ZNF592: variants seen among roughly 807,000 people sequenced by gnomAD.
ZNF592 encodes the protein spinocerebellar ataxia, autosomal recessive 5.
ZNF592 carries 11 observed loss-of-function variants against 80.3 expected under a neutral mutation model. The ratio of observed to expected loss-of-function variants is 0.14; its 90% CI spans 0.09 to 0.23. The LOEUF is 0.23. Among genes scored for constraint, ZNF592 ranks in the 10% least tolerant of loss-of-function variants. The pLI, the probability that ZNF592 is intolerant of heterozygous loss-of-function variation, is 1.00. For synonymous variants in ZNF592, 646 were observed against 640.3 expected (o/e 1.01, Z -0.13); for missense variants, 1,420 against 1,633.9 (o/e 0.87, Z 2.26).
Position 84,802,143 on chromosome 15 carries a change from A to G in ZNF592, c.3554A>G (p.Glu1185Gly). ...VHKVRDQEEE[E>G]EEEAAAAEMA... ...AAGGTGAGAGACCAGGAGGAGGAGG[A>G]GGAAGAGGAGGCGGCGGCAGCGGAG... The change falls in exon 11 of 11, where the codon GAG (glutamate) becomes GGG (glycine). Residue 1185 changes from glutamate to glycine, a missense_variant. Coordinates refer to ENST00000560079, the MANE Select transcript of ZNF592 (RefSeq NM_014630.3). The G allele has an allele frequency of 6.2e-7, 1 of 1,605,142 alleles. No homozygotes were observed. Among genetic ancestry groups the G allele is most frequent in the South Asian group, 1.1e-5 (1 of 90,828 alleles).
intron 4 of ZNF592, among the ~76,000 whole-genome samples, chr15:84,789,505 A>G (rs1376558625): frequency 6.6e-6 from 1 of 152,086 alleles, no homozygotes; most frequent in African/African-American, 2.4e-5. Flanking sequence ...CTGAGATACC[A>G]CTGTACTATT....
At chr15:84,767,759 A>C (rs1216358717) in intron 2 of ZNF592, among the ~76,000 whole-genome samples, 1 of 152,078 alleles carries the variant, frequency 6.6e-6, no homozygotes, top group Non-Finnish European at 1.5e-5. Context: ...AAAATATAGC[A>C]GCTTTATTGA....
chr15:84,798,638 T>G lies in ZNF592; in HGVS notation c.2787T>G (p.Ser929=). 7.4e-6 allele frequency: 12 copies of G among 1,614,034 alleles called. No homozygotes were observed. The highest frequency in any genetic ancestry group is 9.3e-6 in the Non-Finnish European group (11 of 1,180,024). Residue 929 remains serine (S), a synonymous_variant, in exon 8 of 11, where the codon TCT becomes TCG. Coordinates refer to ENST00000560079, the MANE Select transcript of ZNF592 (RefSeq NM_014630.3). The surrounding 1 kb of genome is among the most constrained non-coding windows in gnomAD (Gnocchi z 4.5). ...TGGACGAGCTGTCAAGCCTCCAGTC[T>G]TCAGCGGACACATCCTCAAGCCGCC... is the stretch of plus-strand genomic sequence containing the variant. ...RNVDELSSLQ[S]SADTSSSRPG... is the part of the protein sequence containing the mutation.
At chr15:84,749,718 C>G (rs1029493868) in intron 1 of ZNF592, among the ~76,000 whole-genome samples, 5 of 152,112 alleles carry the variant, frequency 3.3e-5, no homozygotes, top group African/African-American at 4.8e-5. Context: ...TGGCAGAGTG[C>G]GGAGGATGTG....
intron 10 of ZNF592, among the ~76,000 whole-genome samples, chr15:84,801,183 G>T (rs1963085993): frequency 6.6e-6 from 1 of 152,152 alleles, no homozygotes; most frequent in South Asian, 2.1e-4. Context: ...AAATTAGCTG[G>T]GTGTGGTGGT....
intron 1 of ZNF592, among the ~76,000 whole-genome samples, chr15:84,752,592 TA>T (rs1899044744): frequency 6.6e-6 from 1 of 152,152 alleles, no homozygotes; most frequent in Non-Finnish European, 1.5e-5. Flanking sequence ...GCTGGAAAGC[TA>T]AGTTGGGGCT....
At chr15:84,789,729 T>C (rs952064154) in intron 4 of ZNF592, among the ~76,000 whole-genome samples, 1 of 152,228 alleles carries the variant, frequency 6.6e-6, no homozygotes, top group Non-Finnish European at 1.5e-5. Flanking sequence ...TTTTTAATGC[T>C]CATGTTATCC....
chr15:84,798,803 C>G lies in ZNF592; in HGVS notation c.2952C>G (p.Thr984=), dbSNP rs780459515. The part of the protein sequence containing the change: ...ARPRLRNTGW[T]CQECQEWVPD... ...CGCGGCTGAGGAACACTGGCTGGAC[C>G]TGCCAGGAGTGCCAGGAGTGGGTTC... The change falls in exon 8 of 11, where the codon ACC becomes ACG. Residue 984 remains threonine (T), a synonymous_variant. Transcript: ENST00000560079. This position sits in a 1 kb window ranked among gnomAD's most constrained non-coding sequence, Gnocchi z 4.5. 1.2e-6 allele frequency: 2 copies of G among 1,601,612 alleles called. No individual in the cohort carries two copies. The highest frequency in any genetic ancestry group is 1.7e-6 in the Non-Finnish European group (2 of 1,179,666).
At chr15:84,773,395 T>A (rs1285696174) in intron 2 of ZNF592, among the ~76,000 whole-genome samples, 1 of 152,142 alleles carries the variant, frequency 6.6e-6, no homozygotes, top group Admixed American at 6.5e-5. Context: ...GTATTTTTAG[T>A]AGAGACGGGG....
At chr15:84,787,391 A>G (rs1165522764) in intron 4 of ZNF592, among the ~76,000 whole-genome samples, 2 of 152,212 alleles carry the variant, frequency 1.3e-5, no homozygotes, top group Non-Finnish European at 2.9e-5. Flanking sequence ...TCTCAGGGAA[A>G]GGGTGAGCCC....
chr15:84,754,042 T>G (rs1899090992), intron 1 of ZNF592, among the ~76,000 whole-genome samples: 1 of 152,186 alleles, frequency 6.6e-6, no homozygotes, highest in Non-Finnish European at 1.5e-5. Context: ...TTGCTTTTGT[T>G]TAACAGCAGG....
chr15:84,798,130 A>G lies in ZNF592; in HGVS notation c.2576+85A>G. ...GTAGGGGGTGGCATAGGGATGGGTG[A>G]GGGAGCTGGGGTTAGTGGCAGAGGT... On this transcript the variant is annotated intron_variant, in intron 6 of 10. Coordinates refer to ENST00000560079, the MANE Select transcript of ZNF592 (RefSeq NM_014630.3). The surrounding 1 kb of genome is among the most constrained non-coding windows in gnomAD (Gnocchi z 4.5). The G allele has an allele frequency of 6.3e-7, 1 of 1,584,150 alleles. No homozygotes were observed. Among genetic ancestry groups the G allele is most frequent in the East Asian group, 2.3e-5 (1 of 44,368 alleles).
At chr15:84,763,617 A>G (rs113927731) in intron 1 of ZNF592, among the ~76,000 whole-genome samples, 349 of 152,270 alleles carry the variant, frequency 2.3e-3, no homozygotes, top group Non-Finnish European at 3.5e-3. Context: ...AGTTTTCTCT[A>G]GTTTCTTTCT....
At chr15:84,751,673 G>A (rs962160741) in intron 1 of ZNF592, among the ~76,000 whole-genome samples, 3 of 151,740 alleles carry the variant, frequency 2.0e-5, no homozygotes, top group African/African-American at 7.3e-5. Context: ...GGGACACTGA[G>A]GCGGGTGGAT....
At chr15:84,785,465 C>T (rs1053069219) in intron 4 of ZNF592, among the ~76,000 whole-genome samples, 2 of 152,206 alleles carry the variant, frequency 1.3e-5, no homozygotes, top group Non-Finnish European at 2.9e-5. Flanking sequence ...GCATGTGCCA[C>T]CACGCCTAGC....
intron 10 of ZNF592, among the ~76,000 whole-genome samples, chr15:84,800,750 T>C (rs892014845): frequency 6.6e-6 from 1 of 152,236 alleles, no homozygotes; most frequent in Admixed American, 6.5e-5. Context: ...ACATACCCTT[T>C]GATCCAGCAA....
intron 2 of ZNF592, 95 bp downstream of exon 2, chr15:84,764,910 G>T (rs12903256): frequency 0.24 from 88,765 of 373,854 alleles, 11,173 homozygotes; most frequent in Middle Eastern, 0.41. Context: ...GTTTTGTTTT[G>T]TTTTTTTTTG....
intron 4 of ZNF592, among the ~76,000 whole-genome samples, chr15:84,786,573 C>T (rs1000488818): frequency 4.6e-5 from 7 of 152,124 alleles, no homozygotes; most frequent in Non-Finnish European, 1.0e-4. Flanking sequence ...GACTCAGCCC[C>T]CCAAAGGGGC....
chr15:84,783,671 C>T lies in ZNF592; in HGVS notation c.996C>T (p.Pro332=), dbSNP rs1962491845. The change falls in exon 4 of 11, where the codon CCC becomes CCT. Residue 332 remains proline, a synonymous_variant. Transcript: ENST00000560079. The surrounding 1 kb of genome is among the most constrained non-coding windows in gnomAD (Gnocchi z 5.0). ...AAATGCCCAAGTCACCAAAGAGTCC[C>T]CGGAGCCCTCTGGAGGCCACTAGAA... ...SPKMPKSPKS[P]RSPLEATRKS... is the part of the protein sequence containing the mutation. 2 of 1,614,202 alleles carry T rather than the reference C, an allele frequency of 1.2e-6. No individual in the cohort carries two copies. Among genetic ancestry groups the T allele is most frequent in the Non-Finnish European group, 8.5e-7 (1 of 1,180,046 alleles).
Sources: allele counts gnomAD v4.1 joint callset (sites outside exome capture counted in the v4.1 genomes callset), GRCh38; gene constraint gnomAD v4.1.1; non-coding constraint Gnocchi (gnomAD v3.1); transcripts MANE v1.5; gene names NCBI Gene and HGNC (gene_info 2026-07-23, HGNC 2026-07-21).